TCF12: variants seen among roughly 807,000 people sequenced by gnomAD.
TCF12 encodes the protein transcription factor 12, also known as DNA-binding protein HTF4.
A neutral mutation model predicts 86.0 loss-of-function variants in TCF12; 45 were observed. The observed-to-expected ratio is 0.52, with a 90% CI of 0.41 to 0.67. The LOEUF is 0.67. Ranked by LOEUF, TCF12 falls within the 30% of genes least tolerant of loss-of-function variation. The probability of loss-of-function intolerance (pLI) is 0.00; values close to 1 mark genes in which losing one functional copy is unlikely to be tolerated. For missense variants in TCF12, 881 were observed against 859.9 expected (o/e 1.02, Z -0.31); for synonymous variants, 330 against 299.6 (o/e 1.10, Z -1.05).
At chr15:57,004,934 A>G (rs1273888949) in intron 3 of TCF12, among the ~76,000 whole-genome samples, 1 of 152,202 alleles carries the variant, frequency 6.6e-6, no homozygotes, top group East Asian at 1.9e-4. Flanking sequence ...TGATCTTTAG[A>G]GTATTAGCTA....
chr15:57,069,849 A>T (rs1320444330), intron 4 of TCF12, among the ~76,000 whole-genome samples: 2 of 152,228 alleles, frequency 1.3e-5, no homozygotes, highest in African/African-American at 4.8e-5. Flanking sequence ...AAAAGAGGAC[A>T]TGGGACATGA....
chr15:56,983,081 T>C (rs557376488), intron 3 of TCF12, among the ~76,000 whole-genome samples: 2 of 152,336 alleles, frequency 1.3e-5, no homozygotes, highest in South Asian at 4.1e-4. Context: ...TTGTTAGAAA[T>C]AGTAGTAGCA....
intron 3 of TCF12, among the ~76,000 whole-genome samples, chr15:57,044,175 G>T (rs1441124363): frequency 6.6e-6 from 1 of 152,108 alleles, no homozygotes; most frequent in Non-Finnish European, 1.5e-5. Flanking sequence ...TAGAAACATG[G>T]ACAGAGTCAG....
chr15:56,937,659 T>G (rs1405915617), intron 3 of TCF12, among the ~76,000 whole-genome samples: 2 of 152,130 alleles, frequency 1.3e-5, no homozygotes, highest in Non-Finnish European at 2.9e-5. Context: ...TTTTCCCTGT[T>G]CAGTATTATG....
At chr15:57,053,996 A>C (rs1323577971) in intron 3 of TCF12, among the ~76,000 whole-genome samples, 2 of 152,130 alleles carry the variant, frequency 1.3e-5, no homozygotes, top group Non-Finnish European at 2.9e-5. Flanking sequence ...TGAGTGAGTA[A>C]ATGGTAAGAA....
chr15:57,226,303 A>C (rs1162377920), intron 8 of TCF12, among the ~76,000 whole-genome samples: 3 of 151,844 alleles, frequency 2.0e-5, no homozygotes, highest in African/African-American at 7.2e-5. Context: ...ATACCAGATA[A>C]AGTGGATGTT....
intron 3 of TCF12, among the ~76,000 whole-genome samples, chr15:57,048,966 C>A (rs1276511096): frequency 2.0e-5 from 3 of 152,154 alleles, no homozygotes; most frequent in African/African-American, 7.2e-5. Context: ...ACTTCTCCAG[C>A]TGCTGGAAGT....
chr15:57,075,324 C>T (rs1486212078), intron 4 of TCF12, among the ~76,000 whole-genome samples: 3 of 152,140 alleles, frequency 2.0e-5, no homozygotes, highest in Admixed American at 6.5e-5. Context: ...TTCCCTACTT[C>T]GAGTTTTGTA....
rs547087746 is a variant in TCF12, at chr15:57,080,976, A to AT, written c.223-10812dup. 1.1e-4 allele frequency among the ~76,000 whole-genome samples: 17 copies of AT among 152,256 alleles called. No homozygotes were observed. The East Asian group carries it at 3.3e-3, about 29-fold the overall frequency. Reference sequence around the variant, plus strand: ...GGGCAAGAGAAAAGTTCTGCGGTAGATAAAAATGTCTGCAGTAGATGTTCA... The same window carrying AT: ...GGGCAAGAGAAAAGTTCTGCGGTAGATTAAAAATGTCTGCAGTAGATGTTCA... On this transcript the variant is annotated intron_variant, in intron 4 of 20. Transcript: ENST00000333725.
rs148895513 is a variant in TCF12, at chr15:57,056,511, T to G, written c.149-7239T>G. ...TCTCGTTCTGTCACCAAAGCTGGAG[T>G]GCAGTGATGCAATCTCAGTTCACTG... On this transcript the variant is annotated intron_variant, in intron 3 of 20. Coordinates refer to ENST00000333725, the MANE Select transcript of TCF12 (RefSeq NM_207037.2). 8.5e-5 allele frequency among the ~76,000 whole-genome samples: 13 copies of G among 152,240 alleles called. No individual in the cohort carries two copies. In the East Asian group the frequency reaches 2.5e-3, roughly 29 times the overall value.
chr15:57,265,108 TATAG>T (rs1157041352), intron 18 of TCF12, among the ~76,000 whole-genome samples: 1 of 150,372 alleles, frequency 6.7e-6, no homozygotes, highest in East Asian at 2.0e-4. Flanking sequence ...TATAGTATAG[TATAG>T]TATAGTATAG....
intron 3 of TCF12, among the ~76,000 whole-genome samples, chr15:57,055,035 G>GA (rs1398929998): frequency 6.6e-6 from 1 of 151,890 alleles, no homozygotes; most frequent in East Asian, 1.9e-4. Context: ...GACATTAAAG[G>GA]AAAAATTAGT....
At chr15:57,283,128 C>G (rs1439518686) in intron 20 of TCF12, among the ~76,000 whole-genome samples, 1 of 152,162 alleles carries the variant, frequency 6.6e-6, no homozygotes, top group Non-Finnish European at 1.5e-5. Context: ...CCTCTAGAAT[C>G]TATTAATGAA....
In TCF12 at chr15:56,980,199, A is replaced by C. The variant is rs572282138; in HGVS notation, c.148+59101A>C. Among the ~76,000 whole-genome samples, 35 of 152,312 alleles carry C rather than the reference A, an allele frequency of 2.3e-4. No homozygotes were observed. In the South Asian group the frequency reaches 6.8e-3, roughly 30 times the overall value. ...CATAAAGAGACTGTCTACCAAAAAA[A>C]CAAATTATTTTTTAAATTAGCTGGG... On this transcript the variant is annotated intron_variant, in intron 3 of 20. Coordinates refer to ENST00000333725, the MANE Select transcript of TCF12 (RefSeq NM_207037.2).
intron 3 of TCF12, among the ~76,000 whole-genome samples, chr15:56,977,122 G>T (rs913303371): frequency 2.6e-5 from 4 of 152,046 alleles, no homozygotes; most frequent in Admixed American, 1.3e-4. Context: ...CTACAAAATG[G>T]GTGACTTAAA....
chr15:56,921,168 G>C, intron 3 of TCF12, 70 bp downstream of exon 3: 1 of 1,182,892 alleles, frequency 8.5e-7, no homozygotes, highest in South Asian at 1.7e-5. Flanking sequence ...AAAATAGAAA[G>C]CATAACATTT....
At chr15:57,014,889 ATTATTG>A (rs1219866656) in intron 3 of TCF12, among the ~76,000 whole-genome samples, 14 of 80,498 alleles carry the variant, frequency 1.7e-4, no homozygotes, top group South Asian at 1.6e-3. Context: ...TATTATTATT[ATTATTG>A]TTATTATTAT....
intron 19 of TCF12, among the ~76,000 whole-genome samples, chr15:57,278,957 C>G (rs1314889574): frequency 3.9e-5 from 4 of 102,048 alleles, no homozygotes; most frequent in Non-Finnish European, 6.0e-5. Context: ...TTTTTTTTCT[C>G]CTTTCCTTTC....
At chr15:57,005,384 G>C (rs1467650924) in intron 3 of TCF12, among the ~76,000 whole-genome samples, 4 of 152,120 alleles carry the variant, frequency 2.6e-5, no homozygotes, top group Admixed American at 6.5e-5. Flanking sequence ...TTTTTTGTGA[G>C]AGGTAGCTTA....
Sources: gnomAD v4.1 joint callset for allele counts (sites outside exome capture counted in the v4.1 genomes callset) on GRCh38, gnomAD v4.1.1 for gene constraint, MANE v1.5 for transcripts, NCBI Gene and HGNC (gene_info 2026-07-23, HGNC 2026-07-21) for gene names.